The following NKAIN3 variants were observed in gnomAD, a reference collection of about 807,000 sequenced individuals.
The protein encoded by NKAIN3 is sodium/potassium transporting ATPase interacting 3, also known as sodium/potassium-transporting ATPase subunit beta-1-interacting protein 3.
NKAIN3 carries 25 observed loss-of-function variants against 30.2 expected under a neutral mutation model. The ratio of observed to expected loss-of-function variants is 0.83; its 90% confidence interval spans 0.60 to 1.16. NKAIN3 has a LOEUF of 1.16. Ranked by LOEUF, NKAIN3 falls within the 50% of genes most tolerant of loss-of-function variation. The pLI, the probability that NKAIN3 is intolerant of heterozygous loss-of-function variation, is 0.00. For missense variants in NKAIN3, 225 were observed against 254.1 expected, an observed-to-expected ratio of 0.89 and a Z score of 0.78; for synonymous variants, 91 against 89.6, an observed-to-expected ratio of 1.02 and a Z score of -0.09.
intron 1 of NKAIN3, among the ~76,000 whole-genome samples, chr8:62,263,127 A>G (rs535090704): frequency 7.3e-4 from 111 of 152,324 alleles, no homozygotes; most frequent in African/African-American, 2.6e-3. Flanking sequence ...AGAGGACCAC[A>G]TCAAGGCTAA....
intron 4 of NKAIN3, among the ~76,000 whole-genome samples, chr8:62,776,649 T>C (rs1817200760): frequency 1.3e-5 from 2 of 152,168 alleles, no homozygotes; most frequent in Admixed American, 1.3e-4. Flanking sequence ...TATACCTTAT[T>C]GTATACCCTA....
intron 1 of NKAIN3, among the ~76,000 whole-genome samples, chr8:62,294,434 T>C (rs1813761357): frequency 6.6e-6 from 1 of 152,168 alleles, no homozygotes; most frequent in Admixed American, 6.5e-5. Context: ...TATCTTTCCC[T>C]CATATTCAGT....
At chr8:62,948,208 C>CT (rs1253510882) in intron 5 of NKAIN3, among the ~76,000 whole-genome samples, 1 of 140,754 alleles carries the variant, frequency 7.1e-6, no homozygotes, top group Non-Finnish European at 1.6e-5. Flanking sequence ...TTTTTTTTTT[C>CT]TTTTTTTGAG....
chr8:62,297,827 A>G (rs1247520893), intron 1 of NKAIN3, among the ~76,000 whole-genome samples: 3 of 152,358 alleles, frequency 2.0e-5, no homozygotes, highest in Non-Finnish European at 4.4e-5. Flanking sequence ...TACTGGGTAT[A>G]TACCCAAAGG....
intron 3 of NKAIN3, among the ~76,000 whole-genome samples, chr8:62,685,883 C>T (rs544160223): frequency 1.3e-5 from 2 of 152,172 alleles, no homozygotes. Context: ...TAATCCCATC[C>T]CCTTCCTGTT....
At chr8:62,633,277 C>T (rs750546550) in intron 3 of NKAIN3, among the ~76,000 whole-genome samples, 7 of 152,120 alleles carry the variant, frequency 4.6e-5, no homozygotes, top group Non-Finnish European at 1.0e-4. Context: ...AAGATTCACC[C>T]TCACCTTATT....
intron 3 of NKAIN3, among the ~76,000 whole-genome samples, chr8:62,663,381 T>C (rs1813002153): frequency 6.6e-6 from 1 of 152,148 alleles, no homozygotes; most frequent in Non-Finnish European, 1.5e-5. Flanking sequence ...GAAGCTGAGA[T>C]ACAGAGGTAG....
intron 3 of NKAIN3, among the ~76,000 whole-genome samples, chr8:62,735,429 C>T (rs1815629622): frequency 7.2e-6 from 1 of 139,800 alleles, no homozygotes; most frequent in Non-Finnish European, 1.5e-5. Context: ...TTGTTCAATT[C>T]TATTGCTGAG....
At chr8:62,938,916 A>G (rs563695773) in intron 5 of NKAIN3, among the ~76,000 whole-genome samples, 15 of 152,344 alleles carry the variant, frequency 9.8e-5, no homozygotes, top group Non-Finnish European at 1.6e-4. Flanking sequence ...TCTGTATGCC[A>G]GAAAAATAAT....
At chr8:62,880,147 A>T (rs1056487479) in intron 4 of NKAIN3, among the ~76,000 whole-genome samples, 2 of 152,154 alleles carry the variant, frequency 1.3e-5, no homozygotes, top group African/African-American at 4.8e-5. Context: ...GCTAGGTGTT[A>T]TTATTATTAT....
intron 3 of NKAIN3, among the ~76,000 whole-genome samples, chr8:62,719,505 AACCC>A (rs1419885605): frequency 6.6e-6 from 1 of 152,186 alleles, no homozygotes; most frequent in African/African-American, 2.4e-5. Flanking sequence ...TCAACATTTT[AACCC>A]ACCATAAAAA....
intron 4 of NKAIN3, among the ~76,000 whole-genome samples, chr8:62,822,635 T>C (rs10090745): frequency 0.26 from 38,862 of 152,102 alleles, 5,143 homozygotes; most frequent in East Asian, 0.37. Context: ...GATGTTATAT[T>C]ATACTTGTCA....
intron 1 of NKAIN3, among the ~76,000 whole-genome samples, chr8:62,378,349 A>C (rs116903579): frequency 0.011 from 1,713 of 152,330 alleles, 15 homozygotes; most frequent in Non-Finnish European, 0.017. Flanking sequence ...AGTAGAAAAG[A>C]CAAACCCATT....
At chr8:62,499,168 G>T (rs557184852) in intron 1 of NKAIN3, among the ~76,000 whole-genome samples, 17 of 152,286 alleles carry the variant, frequency 1.1e-4, no homozygotes, top group African/African-American at 3.8e-4. Flanking sequence ...AGGACTAGGC[G>T]TAAACTGCTG....
intron 1 of NKAIN3, among the ~76,000 whole-genome samples, chr8:62,527,821 T>C (rs1162059381): frequency 6.6e-6 from 1 of 151,826 alleles, no homozygotes; most frequent in African/African-American, 2.4e-5. Flanking sequence ...TAGGTCTGAC[T>C]TGTGACTTAA....
At position 62,982,923 on chromosome 8, in the gene NKAIN3, G is replaced by A. The variant is rs1048909735; in HGVS notation, c.*17516G>A. On this transcript the variant is annotated 3_prime_UTR_variant, in exon 7 of 7. Coordinates refer to ENST00000623646, the MANE Select transcript of NKAIN3 (RefSeq NM_001304533.3). Reference sequence around the variant, plus strand: ...TAAAAGGAAATCTCATCTCCTGTCTGTTGATAGTAGAGCTTATATCAAACT... The same window carrying A: ...TAAAAGGAAATCTCATCTCCTGTCTATTGATAGTAGAGCTTATATCAAACT... 1 of 152,136 alleles carries A rather than the reference G, an allele frequency of 6.6e-6. No individual in the cohort carries two copies. Among genetic ancestry groups the A allele is most frequent in the Non-Finnish European group, 1.5e-5 (1 of 68,026 alleles). The allele number at this position is 152,136 out of a possible 1,614,324, so 9.4% of individuals were successfully genotyped here.
chr8:62,896,324 T>G (rs753327977), intron 4 of NKAIN3, among the ~76,000 whole-genome samples: 40 of 152,024 alleles, frequency 2.6e-4, no homozygotes, highest in Non-Finnish European at 5.3e-4. Context: ...TCCAAAAGCA[T>G]CACCTCCTAA....
At chr8:62,866,689 T>A (rs1820425291) in intron 4 of NKAIN3, among the ~76,000 whole-genome samples, 1 of 152,158 alleles carries the variant, frequency 6.6e-6, no homozygotes, top group Non-Finnish European at 1.5e-5. Context: ...ATAACTAGAT[T>A]GTGAAAAGCT....
chr8:62,895,648 G>T (rs944983494), intron 4 of NKAIN3, among the ~76,000 whole-genome samples: 3 of 152,100 alleles, frequency 2.0e-5, no homozygotes, highest in Non-Finnish European at 4.4e-5. Flanking sequence ...CCTAGGCGGG[G>T]TATCTGTGAG....
Sources: allele counts gnomAD v4.1 joint callset (sites outside exome capture counted in the v4.1 genomes callset), GRCh38; gene constraint gnomAD v4.1.1; transcripts MANE v1.5; gene names NCBI Gene and HGNC (gene_info 2026-07-23, HGNC 2026-07-21).